ADAMTS20: variants seen among roughly 807,000 people sequenced by gnomAD.
ADAMTS20 encodes ADAM metallopeptidase with thrombospondin type 1 motif 20.
A neutral mutation model predicts 260.1 loss-of-function variants in ADAMTS20; 225 were observed. The ratio of observed to expected loss-of-function variants is 0.87; its 90% CI spans 0.78 to 0.97. ADAMTS20 has a LOEUF of 0.97. Among genes scored for constraint, ADAMTS20 ranks in the 50% least tolerant of loss-of-function variants. The pLI is 0.00. For synonymous variants in ADAMTS20, 802 were observed against 769.5 expected (o/e 1.04, Z -0.70); for missense variants, 2,400 against 2,337.7 (o/e 1.03, Z -0.55).
chr12:43,491,298 T>C (rs779642190), intron 6 of ADAMTS20, among the ~76,000 whole-genome samples: 3 of 152,100 alleles, frequency 2.0e-5, no homozygotes. Flanking sequence ...TGGTGTGTAG[T>C]AGACTACACC....
At chr12:43,433,712 AC>A (rs1941494798) in intron 19 of ADAMTS20, 3 of 132,838 alleles carry the variant, frequency 2.3e-5, no homozygotes, top group African/African-American at 1.3e-4. Context: ...AAACACACAC[AC>A]ACACACACAC....
chr12:43,454,618 C>T (rs1280496821), intron 11 of ADAMTS20, among the ~76,000 whole-genome samples: 3 of 152,150 alleles, frequency 2.0e-5, no homozygotes, highest in African/African-American at 7.2e-5. Context: ...TTCACTATCC[C>T]AGACAAAGTC....
intron 4 of ADAMTS20, among the ~76,000 whole-genome samples, chr12:43,500,383 T>C (rs1157319684): frequency 6.6e-6 from 1 of 152,168 alleles, no homozygotes; most frequent in South Asian, 2.1e-4. Flanking sequence ...GCAAAGTATA[T>C]CCCATTGTTC....
chr12:43,487,414 G>A (rs944287386), intron 7 of ADAMTS20, among the ~76,000 whole-genome samples: 8 of 145,324 alleles, frequency 5.5e-5, no homozygotes, highest in Admixed American at 4.1e-4. Context: ...CTGGAAGCTC[G>A]GAAGAGGGAA....
Position 43,360,696 on chromosome 12 carries a change from C to A in ADAMTS20, c.5539-4108G>T, listed in dbSNP as rs139910527. On this transcript the variant is annotated intron_variant, in intron 37 of 38. Transcript: ENST00000389420. ...TATGAGATATGCATGGAGACACAGACACAACCTAATAATAGGAAAAATCAA... is the reference window on the plus strand; with the variant it reads ...TATGAGATATGCATGGAGACACAGAAACAACCTAATAATAGGAAAAATCAA... Among the ~76,000 whole-genome samples, 99 of 152,170 alleles carry A rather than the reference C, an allele frequency of 6.5e-4. 1 individual carries two copies. The highest frequency in any genetic ancestry group is 2.3e-3 in the African/African-American group (95 of 41,516).
rs757394006 is a variant in ADAMTS20, at chr12:43,383,859, C to T, written c.4571G>A (p.Arg1524Gln). ...DQSTRPCSQR[R>Q]CWSQDCVQHK... Reference sequence around the variant, plus strand: ...CTGCACACAGTCCTGACTCCAACATCGCCTCTGAGAACAAGGTCGGGTGGA... The same window carrying T: ...CTGCACACAGTCCTGACTCCAACATTGCCTCTGAGAACAAGGTCGGGTGGA... The change falls in exon 30 of 39, where the codon CGA (arginine) becomes CAA (glutamine). Residue 1524 changes from arginine to glutamine, a missense_variant. Transcript: ENST00000389420. The T allele has an allele frequency of 1.1e-5, 18 of 1,613,826 alleles. 1 individual carries two copies. Among genetic ancestry groups the T allele is most frequent in the East Asian group, 1.1e-4 (5 of 44,898 alleles).
intron 38 of ADAMTS20, among the ~76,000 whole-genome samples, chr12:43,354,683 T>A (rs1054624502): frequency 4.6e-5 from 7 of 152,098 alleles, no homozygotes; most frequent in Non-Finnish European, 4.4e-5. Context: ...TAATTTTATA[T>A]AATAATCTCT....
chr12:43,532,501 T>A (rs1943237380), intron 2 of ADAMTS20, among the ~76,000 whole-genome samples: 1 of 150,732 alleles, frequency 6.6e-6, no homozygotes, highest in Non-Finnish European at 1.5e-5. Flanking sequence ...AGTCTATAAA[T>A]AATAAAGCCT....
rs1234255655 is a variant in ADAMTS20 at position 43,430,387 on chromosome 12, C to T, written c.3346G>A (p.Glu1116Lys). ...ELASAVLEDT[E>K]CHEASRPSDR... ...CTGGGGCGACTAGCTTCATGGCATT[C>T]TGTGTCCTCTAACACTGCACTAGCT... The change falls in exon 23 of 39, where the codon GAA becomes AAA. Residue 1116 changes from glutamate (E) to lysine (K), a missense_variant. By Grantham distance (56) the Glu-to-Lys change is moderately conservative. Transcript: ENST00000389420. 6.2e-7 allele frequency: 1 copy of T among 1,612,510 alleles called. No homozygotes were observed. Among genetic ancestry groups the T allele is most frequent in the Non-Finnish European group, 8.5e-7 (1 of 1,179,072 alleles).
chr12:43,498,910 C>T (rs11182114), intron 4 of ADAMTS20, among the ~76,000 whole-genome samples: 34,291 of 151,852 alleles, frequency 0.23, 4,334 homozygotes, highest in African/African-American at 0.33. Flanking sequence ...TTTTTGCAAC[C>T]ATAAATATAG....
At chr12:43,485,225 C>T (rs138056674) in intron 7 of ADAMTS20, among the ~76,000 whole-genome samples, 1 of 151,984 alleles carries the variant, frequency 6.6e-6, no homozygotes, top group African/African-American at 2.4e-5. Context: ...CATAATTCAC[C>T]ATGATCAAAG....
Position 43,446,593 on chromosome 12 carries a change from A to G in ADAMTS20, c.2197+2T>C, listed in dbSNP as rs1269390854. 2.5e-6 allele frequency: 4 copies of G among 1,608,812 alleles called. No individual in the cohort carries two copies. Among genetic ancestry groups the G allele is most frequent in the South Asian group, 2.2e-5 (2 of 90,932 alleles). ...AAATCTAGAAACAAATACACAACTTACCATAATGAGAACTGTTGAAGACAC... is the reference window on the plus strand; with the variant it reads ...AAATCTAGAAACAAATACACAACTTGCCATAATGAGAACTGTTGAAGACAC... On this transcript the variant is annotated splice_donor_variant, in intron 15 of 38. Transcript: ENST00000389420. LOFTEE classifies it high-confidence loss of function.
At position 43,452,657 on chromosome 12, in the gene ADAMTS20, A is replaced by C; in HGVS notation, c.1799T>G (p.Met600Arg). The C allele has an allele frequency of 6.2e-7, 1 of 1,611,568 alleles. No homozygotes were observed. The highest frequency in any genetic ancestry group is 2.2e-5 in the East Asian group (1 of 44,822). Residue 600 changes from methionine (M) to arginine (R), a missense_variant, in exon 13 of 39, where the codon ATG (methionine) becomes AGG (arginine). By Grantham distance (91) the Met-to-Arg change is moderately conservative. Coordinates refer to ENST00000389420, the MANE Select transcript of ADAMTS20 (RefSeq NM_025003.5). ...ATCAGTATTACATGATCGAAATTTC[A>C]TCCTGCGGCCCACACAGTAATTTCC... is the stretch of plus-strand genomic sequence containing the variant. ...NGGNYCVGRR[M>R]KFRSCNTDSC...
chr12:43,376,692 G>A (rs1354637882), intron 32 of ADAMTS20, 39 bp from the exon 33 acceptor site: 1 of 1,577,548 alleles, frequency 6.3e-7, no homozygotes. Context: ...ACTATATTAT[G>A]AATCTTAAGG....
intron 2 of ADAMTS20, among the ~76,000 whole-genome samples, chr12:43,532,651 C>A (rs1943241488): frequency 9.3e-6 from 1 of 108,058 alleles, no homozygotes; most frequent in Non-Finnish European, 1.9e-5. Context: ...TGCGCTGCAC[C>A]CACTAACGTG....
At chr12:43,380,024 T>C (rs1394558639) in intron 31 of ADAMTS20, among the ~76,000 whole-genome samples, 1 of 150,108 alleles carries the variant, frequency 6.7e-6, no homozygotes, top group African/African-American at 2.4e-5. Flanking sequence ...CTTAAGAATA[T>C]AGATGTAAAG....
At chr12:43,405,580 T>C (rs1940904588) in intron 28 of ADAMTS20, among the ~76,000 whole-genome samples, 1 of 152,058 alleles carries the variant, frequency 6.6e-6, no homozygotes, top group Middle Eastern at 3.4e-3. Flanking sequence ...ATAAATAACC[T>C]AACTAGACAT....
chr12:43,403,200 A>G (rs1031008257), intron 28 of ADAMTS20, among the ~76,000 whole-genome samples: 8 of 152,156 alleles, frequency 5.3e-5, no homozygotes, highest in Non-Finnish European at 1.0e-4. Context: ...TAATTATAGA[A>G]TAAGATTACT....
At position 43,452,374 on chromosome 12, in the gene ADAMTS20, A is replaced by C; in HGVS notation, c.1979T>G (p.Val660Gly). 1 of 1,613,316 alleles carries C rather than the reference A, an allele frequency of 6.2e-7. No individual in the cohort carries two copies. Among genetic ancestry groups the C allele is most frequent in the Non-Finnish European group, 8.5e-7 (1 of 1,179,588 alleles). Residue 660 changes from valine to glycine, a missense_variant, in exon 14 of 39, where the codon GTT (valine) becomes GGT (glycine). Physicochemically the swap from Val to Gly is moderately radical, Grantham distance 109 (BLOSUM62 -3). Coordinates refer to ENST00000389420, the MANE Select transcript of ADAMTS20 (RefSeq NM_025003.5). ...TKDRCKLYCQ[V>G]AGTNYFYLLK... ...TAGGTAGAAATAATTGGTTCCAGCA[A>C]CCTGACAATAGAGTTTACAACGATC...
Sources: allele counts gnomAD v4.1 joint callset (sites outside exome capture counted in the v4.1 genomes callset), GRCh38; gene constraint gnomAD v4.1.1; transcripts MANE v1.5; gene names NCBI Gene and HGNC (gene_info 2026-07-23, HGNC 2026-07-21).